The following LARGE1 variants were observed in gnomAD, a reference collection of about 807,000 sequenced individuals.
The protein encoded by LARGE1 is LARGE xylosyl- and glucuronyltransferase 1.
A neutral mutation model predicts 87.6 loss-of-function variants in LARGE1; 43 were observed. That is an observed-to-expected ratio of 0.49 (90% CI 0.38 to 0.63). The LOEUF is 0.63. LARGE1 is among the 30% of genes least tolerant of loss of function. The pLI is 0.00. For missense variants in LARGE1, 802 were observed against 1,000.2 expected (o/e 0.80, Z 2.67); for synonymous variants, 434 against 394.6 (o/e 1.10, Z -1.18).
At chr22:33,795,839 G>T (rs545852902) in intron 1 of LARGE1, among the ~76,000 whole-genome samples, 1 of 152,128 alleles carries the variant, frequency 6.6e-6, no homozygotes, top group South Asian at 2.1e-4. Flanking sequence ...TCACACACTG[G>T]GGTCTGTCGT....
At chr22:33,730,755 AT>A (rs1052832761) in intron 2 of LARGE1, among the ~76,000 whole-genome samples, 2 of 152,006 alleles carry the variant, frequency 1.3e-5, no homozygotes, top group African/African-American at 2.4e-5. Flanking sequence ...CAATGGTGCT[AT>A]CTCGGCTCAC....
chr22:33,211,488 T>C (rs1337078834), intron 11 of LARGE1, among the ~76,000 whole-genome samples: 2 of 152,108 alleles, frequency 1.3e-5, no homozygotes, highest in East Asian at 1.9e-4. Context: ...AAAAGTGCTG[T>C]GAGGCTGGGC....
intron 6 of LARGE1, among the ~76,000 whole-genome samples, chr22:33,490,044 A>G (rs2069761538): frequency 6.6e-6 from 1 of 151,314 alleles, no homozygotes. Flanking sequence ...TCCTTTTCCA[A>G]CTCCTGACTC....
At chr22:33,804,832 T>C (rs1219671618) in intron 1 of LARGE1, among the ~76,000 whole-genome samples, 3 of 152,224 alleles carry the variant, frequency 2.0e-5, no homozygotes, top group Non-Finnish European at 2.9e-5. Flanking sequence ...ATGCATTTTC[T>C]AGCTGATCCC....
chr22:33,312,004 AT>A (rs1935650354), intron 11 of LARGE1, among the ~76,000 whole-genome samples: 1 of 152,114 alleles, frequency 6.6e-6, no homozygotes, highest in Non-Finnish European at 1.5e-5. Context: ...TTTACCCAAT[AT>A]CACAAATATT....
chr22:33,099,206 G>A, the LARGE1 span, among the ~76,000 whole-genome samples: 10 of 152,282 alleles, frequency 6.6e-5, no homozygotes, highest in South Asian at 2.1e-4. Context: ...AAAATAAGGC[G>A]TGGAAGATAG....
At chr22:33,472,396 C>T (rs1245973769) in intron 6 of LARGE1, among the ~76,000 whole-genome samples, 1 of 151,968 alleles carries the variant, frequency 6.6e-6, no homozygotes, top group Non-Finnish European at 1.5e-5. Context: ...CTGTTGCTTA[C>T]CTCTTTTTGA....
intron 6 of LARGE1, among the ~76,000 whole-genome samples, chr22:33,521,257 A>G (rs1751061879): frequency 6.6e-6 from 1 of 152,264 alleles, no homozygotes. Context: ...TTAAAATGCA[A>G]GTAGGCAAGC....
chr22:33,523,372 T>C (rs906928056), intron 6 of LARGE1, among the ~76,000 whole-genome samples: 9 of 152,176 alleles, frequency 5.9e-5, no homozygotes, highest in African/African-American at 1.9e-4. Flanking sequence ...GTTGCTTCTC[T>C]TTCTGTGGTT....
At chr22:33,415,667 T>G (rs1014888604) in intron 7 of LARGE1, among the ~76,000 whole-genome samples, 1 of 152,188 alleles carries the variant, frequency 6.6e-6, no homozygotes, top group African/African-American at 2.4e-5. Flanking sequence ...CTGCAGAGAA[T>G]GTAGCAAGGC....
Position 33,443,775 on chromosome 22 carries a change from G to A in LARGE1, c.788-11510C>T, listed in dbSNP as rs8140275. The stretch of plus-strand genomic sequence containing the variant: ...TAATGATTTTTCTCTTCTTCCTTCC[G>A]TGATCTTTGGTCTTTGGAAATGGGA... On this transcript the variant is annotated intron_variant, in intron 6 of 14. Coordinates refer to ENST00000397394, the MANE Select transcript of LARGE1 (RefSeq NM_133642.5). 2.0e-3 allele frequency among the ~76,000 whole-genome samples: 300 copies of A among 152,126 alleles called. 2 individuals carry two copies. The highest frequency in any genetic ancestry group is 6.8e-3 in the African/African-American group (280 of 41,474).
At chr22:33,297,253 C>T (rs1404820615) in intron 12 of LARGE1, among the ~76,000 whole-genome samples, 2 of 152,134 alleles carry the variant, frequency 1.3e-5, no homozygotes, top group Non-Finnish European at 2.9e-5. Flanking sequence ...AAGAGTCGAA[C>T]AGAAATCTGG....
downstream of LARGE1, among the ~76,000 whole-genome samples, chr22:33,159,633 G>T (rs1331061107): frequency 1.3e-5 from 2 of 148,514 alleles, no homozygotes; most frequent in Admixed American, 6.7e-5. Context: ...CACCCAGGCT[G>T]GAGCGCAGCG....
chr22:33,886,887 C>A (rs911086474), intron 1 of LARGE1, among the ~76,000 whole-genome samples: 20 of 152,066 alleles, frequency 1.3e-4, no homozygotes, highest in African/African-American at 4.8e-4. Flanking sequence ...AGCTTCCAGT[C>A]CAGCAGGGAA....
intron 11 of LARGE1, among the ~76,000 whole-genome samples, chr22:33,193,043 A>G (rs1923869077): frequency 6.6e-6 from 1 of 151,462 alleles, no homozygotes; most frequent in South Asian, 2.1e-4. Context: ...ATTTGTTTTT[A>G]TTTTTCACAT....
chr22:33,400,508 T>C (rs1049621552), intron 7 of LARGE1, among the ~76,000 whole-genome samples: 1 of 152,212 alleles, frequency 6.6e-6, no homozygotes, highest in Non-Finnish European at 1.5e-5. Context: ...GGTATGGATA[T>C]TTTAAATTTT....
chr22:33,334,908 A>T (rs535734578), intron 10 of LARGE1, among the ~76,000 whole-genome samples: 2 of 152,366 alleles, frequency 1.3e-5, no homozygotes, highest in African/African-American at 4.8e-5. Context: ...ATGGTCACGG[A>T]TTCCGAGAAA....
intron 1 of LARGE1, among the ~76,000 whole-genome samples, chr22:33,893,435 G>C (rs1170881964): frequency 6.6e-6 from 1 of 152,124 alleles, no homozygotes; most frequent in African/African-American, 2.4e-5. Context: ...AGTTCTCTAT[G>C]CCTAAGACAC....
the LARGE1 span, among the ~76,000 whole-genome samples, chr22:33,150,965 C>T: frequency 1.3e-5 from 2 of 152,036 alleles, no homozygotes; most frequent in South Asian, 2.1e-4. Context: ...TCCGAATCAG[C>T]TTATCTGTAT....
Sources: gnomAD v4.1 joint callset for allele counts (sites outside exome capture counted in the v4.1 genomes callset) on GRCh38, gnomAD v4.1.1 for gene constraint, MANE v1.5 for transcripts, NCBI Gene and HGNC (gene_info 2026-07-23, HGNC 2026-07-21) for gene names.